The following MCPH1 variants were observed in gnomAD, a reference collection of about 807,000 sequenced individuals.
The protein encoded by MCPH1 is microcephalin.
Under a neutral mutation model 84.5 loss-of-function variants are expected in MCPH1, and 104 were observed. That is an observed-to-expected ratio of 1.23 (90% CI 1.05 to 1.45). MCPH1 has a LOEUF of 1.45. Ranked by LOEUF, MCPH1 falls within the 40% of genes most tolerant of loss-of-function variation. The pLI, the probability that MCPH1 is intolerant of heterozygous loss-of-function variation, is 0.00. For synonymous variants in MCPH1, 514 were observed against 366.8 expected (o/e 1.40, Z -4.58); for missense variants, 1,498 against 1,005.7 (o/e 1.49, Z -6.62).
chr8:6,423,986 T>C (rs1197257485), intron 3 of MCPH1, among the ~76,000 whole-genome samples: 1 of 152,242 alleles, frequency 6.6e-6, no homozygotes, highest in Admixed American at 6.5e-5. Flanking sequence ...CTGCATTTTT[T>C]ATGTCACGTC....
At chr8:6,469,615 C>T (rs1204887282) in intron 9 of MCPH1, among the ~76,000 whole-genome samples, 2 of 152,142 alleles carry the variant, frequency 1.3e-5, no homozygotes, top group Non-Finnish European at 2.9e-5. Flanking sequence ...GGGTTATCTC[C>T]TTATTTTACT....
chr8:6,499,900 G>C lies in MCPH1; in HGVS notation c.2185G>C (p.Glu729Gln). ...LGHWISEEPFELSHHFPAAPL... is the reference protein window; with the variant it reads ...LGHWISEEPFQLSHHFPAAPL... ...TCACTGGATTTCTGAGGAGCCGTTC[G>C]AACTGTCTCACCACTTCCCTGCAGC... Residue 729 changes from glutamate (E) to glutamine (Q), a missense_variant, in exon 12 of 14, where the codon GAA becomes CAA. By Grantham distance (29) the Glu-to-Gln change is conservative. Transcript: ENST00000344683. 1 of 1,613,636 alleles carries C rather than the reference G, an allele frequency of 6.2e-7. No individual in the cohort carries two copies. The highest frequency in any genetic ancestry group is 1.1e-5 in the South Asian group (1 of 91,048).
intron 12 of MCPH1, among the ~76,000 whole-genome samples, chr8:6,567,193 A>G (rs57137884): frequency 0.072 from 2,320 of 32,064 alleles, 81 homozygotes; most frequent in African/African-American, 0.12. Context: ...CAGCAAGGCC[A>G]TGGATAGTGC....
intron 12 of MCPH1, among the ~76,000 whole-genome samples, chr8:6,535,152 G>C (rs933103504): frequency 6.6e-6 from 1 of 152,114 alleles, no homozygotes; most frequent in Non-Finnish European, 1.5e-5. Context: ...CAGTACTTAA[G>C]AGCTAAATAA....
intron 12 of MCPH1, among the ~76,000 whole-genome samples, chr8:6,603,824 A>G (rs537228606): frequency 6.6e-6 from 1 of 152,310 alleles, no homozygotes; most frequent in East Asian, 1.9e-4. Flanking sequence ...TCTGTATGCT[A>G]CAATTCCATC....
At chr8:6,457,489 C>T (rs770028836) in intron 9 of MCPH1, among the ~76,000 whole-genome samples, 8 of 152,138 alleles carry the variant, frequency 5.3e-5, no homozygotes, top group Non-Finnish European at 1.0e-4. Context: ...CCTGTAATCC[C>T]AGCTGCTCAA....
chr8:6,417,103 T>A (rs1316714949), intron 3 of MCPH1, among the ~76,000 whole-genome samples: 2 of 152,218 alleles, frequency 1.3e-5, no homozygotes, highest in Admixed American at 6.5e-5. Context: ...TTTGTTTAGA[T>A]TTTACAGAAC....
chr8:6,467,269 C>T (rs1162366890), intron 9 of MCPH1, among the ~76,000 whole-genome samples: 3 of 152,118 alleles, frequency 2.0e-5, no homozygotes, highest in African/African-American at 7.2e-5. Flanking sequence ...TGGTATGAAG[C>T]GCTTCTTATT....
intron 9 of MCPH1, among the ~76,000 whole-genome samples, chr8:6,455,985 G>A (rs897919278): frequency 3.9e-5 from 6 of 152,126 alleles, no homozygotes; most frequent in African/African-American, 9.7e-5. Context: ...GTCCTGATAC[G>A]CAGGCTTGAA....
At chr8:6,614,015 C>A (rs1044979616) in intron 12 of MCPH1, among the ~76,000 whole-genome samples, 3 of 152,170 alleles carry the variant, frequency 2.0e-5, no homozygotes, top group Non-Finnish European at 4.4e-5. Flanking sequence ...AGGCTGCAGA[C>A]ATCGTTTGTA....
intron 9 of MCPH1, among the ~76,000 whole-genome samples, chr8:6,467,347 C>T (rs1444125776): frequency 6.6e-6 from 1 of 152,072 alleles, no homozygotes; most frequent in Non-Finnish European, 1.5e-5. Context: ...TTTTATTTTT[C>T]TGCAGAAATA....
At chr8:6,509,615 T>C (rs1814545839) in intron 12 of MCPH1, among the ~76,000 whole-genome samples, 1 of 152,152 alleles carries the variant, frequency 6.6e-6, no homozygotes, top group African/African-American at 2.4e-5. Flanking sequence ...CTTTTAGACA[T>C]TGAGAAAGGA....
At chr8:6,559,694 TCTC>T (rs1278786106) in intron 12 of MCPH1, among the ~76,000 whole-genome samples, 1 of 152,198 alleles carries the variant, frequency 6.6e-6, no homozygotes, top group Non-Finnish European at 1.5e-5. Flanking sequence ...ATTCCTGTGG[TCTC>T]CTAGCAAAAT....
chr8:6,629,437 G>T (rs188220102), intron 13 of MCPH1, among the ~76,000 whole-genome samples: 1 of 152,204 alleles, frequency 6.6e-6, no homozygotes, highest in Non-Finnish European at 1.5e-5. Flanking sequence ...ACTCCAACCT[G>T]TGCAACAGAG....
intron 12 of MCPH1, among the ~76,000 whole-genome samples, chr8:6,517,857 C>G (rs1372648186): frequency 1.3e-5 from 2 of 152,126 alleles, no homozygotes; most frequent in East Asian, 1.9e-4. Context: ...AGTCTTAAGT[C>G]TGGAAGGGAA....
At chr8:6,443,108 C>T (rs187726795) in intron 7 of MCPH1, among the ~76,000 whole-genome samples, 3 of 152,264 alleles carry the variant, frequency 2.0e-5, no homozygotes, top group Admixed American at 6.5e-5. Flanking sequence ...TTTATTCTCC[C>T]ATTAGCCTTA....
At chr8:6,426,994 G>C (rs970851428) in intron 3 of MCPH1, among the ~76,000 whole-genome samples, 1 of 152,196 alleles carries the variant, frequency 6.6e-6, no homozygotes, top group Non-Finnish European at 1.5e-5. Flanking sequence ...ACATCACAGT[G>C]TGTATTAACA....
At chr8:6,529,219 C>A (rs922062447) in intron 12 of MCPH1, among the ~76,000 whole-genome samples, 1 of 152,134 alleles carries the variant, frequency 6.6e-6, no homozygotes, top group African/African-American at 2.4e-5. Flanking sequence ...ATTACCCAGG[C>A]CAGGTATTGA....
intron 12 of MCPH1, among the ~76,000 whole-genome samples, chr8:6,587,336 AATCT>A (rs1418564174): frequency 6.6e-6 from 1 of 152,008 alleles, no homozygotes; most frequent in East Asian, 1.9e-4. Flanking sequence ...CCTGGCTTAG[AATCT>A]GTTTTGTTTT....
Sources: allele counts gnomAD v4.1 joint callset (sites outside exome capture counted in the v4.1 genomes callset), GRCh38; gene constraint gnomAD v4.1.1; transcripts MANE v1.5; gene names NCBI Gene and HGNC (gene_info 2026-07-23, HGNC 2026-07-21).